DNAJB2: variants seen among roughly 807,000 people sequenced by gnomAD.
DNAJB2 encodes the protein dnaJ homolog subfamily B member 2.
DNAJB2 carries 19 observed loss-of-function variants against 33.3 expected under a neutral mutation model. The observed-to-expected ratio is 0.57, with a 90% CI of 0.40 to 0.84. The LOEUF (loss-of-function observed/expected upper bound fraction) is 0.84, where lower values mean the gene tolerates loss of function less well. Among genes scored for constraint, DNAJB2 ranks in the 40% least tolerant of loss-of-function variants. The pLI, the probability that DNAJB2 is intolerant of heterozygous loss-of-function variation, is 0.00. For missense variants in DNAJB2, 368 were observed against 430.9 expected (o/e 0.85, Z 1.29); for synonymous variants, 172 against 164.6 (o/e 1.04, Z -0.34).
At chr2:219,282,598 CT>C in intron 5 of DNAJB2, 1 of 446,852 alleles carries the variant, frequency 2.2e-6, no homozygotes. Flanking sequence ...AAAGAGCCAT[CT>C]GTCCTCCATC....
chr2:219,285,260 G>C lies in DNAJB2; in HGVS notation c.*273G>C. 8.6e-7 allele frequency: 1 copy of C among 1,169,184 alleles called. No individual in the cohort carries two copies. Among genetic ancestry groups the C allele is most frequent in the Non-Finnish European group, 1.1e-6 (1 of 946,474 alleles). The allele number at this position is 1,169,184 out of a possible 1,614,324, so 72.4% of individuals were successfully genotyped here. ...CCAGGTTGCATTTATTGGATGGGGAGCTCCAAGGGGCATTAGTGGTTTGGG... is the reference window on the plus strand; with the variant it reads ...CCAGGTTGCATTTATTGGATGGGGACCTCCAAGGGGCATTAGTGGTTTGGG... On this transcript the variant is annotated 3_prime_UTR_variant, in exon 9 of 9. Transcript: ENST00000336576.
At position 219,282,049 on chromosome 2, in the gene DNAJB2, G is replaced by T; in HGVS notation, c.340G>T (p.Ala114Ser). ...ATTCTTTGGGAGTGGAGACCCTTTT[G>T]CAGAGCTCTTTGGTGAGTGGACTCT... ...REFFGSGDPF[A>S]ELFDDLGPFS... Residue 114 changes from alanine to serine, a missense_variant, in exon 5 of 9, where the codon GCA (alanine) becomes TCA (serine). Coordinates refer to ENST00000336576, the MANE Select transcript of DNAJB2 (RefSeq NM_006736.6). The T allele has an allele frequency of 6.2e-7, 1 of 1,614,178 alleles. No homozygotes were observed. Among genetic ancestry groups the T allele is most frequent in the South Asian group, 1.1e-5 (1 of 91,084 alleles).
At position 219,285,784 on chromosome 2, in the gene DNAJB2, T is replaced by C; in HGVS notation, c.*797T>C. The C allele has an allele frequency of 1.5e-6, 2 of 1,367,598 alleles. No homozygotes were observed. Among genetic ancestry groups the C allele is most frequent in the Non-Finnish European group, 9.5e-7 (1 of 1,055,954 alleles). 84.7% of individuals were successfully genotyped at this position (1,367,598 alleles called of 1,614,324 possible). On this transcript the variant is annotated 3_prime_UTR_variant, in exon 9 of 9. Coordinates refer to ENST00000336576, the MANE Select transcript of DNAJB2 (RefSeq NM_006736.6). Reference sequence around the variant, plus strand: ...CCTCAGGACTAGGCAGAGGTGAGGCTGGCTCACCCTGAAGAGGTGGGATAG... The same window carrying C: ...CCTCAGGACTAGGCAGAGGTGAGGCCGGCTCACCCTGAAGAGGTGGGATAG...
chr2:219,284,426 G>A (rs1243537004), intron 8 of DNAJB2, among the ~76,000 whole-genome samples: 4 of 152,196 alleles, frequency 2.6e-5, no homozygotes, highest in Non-Finnish European at 1.5e-5. Context: ...TAGGGATGTT[G>A]AGTGACTTGC....
chr2:219,286,834 C>G lies in DNAJB2; in HGVS notation c.*1847C>G, dbSNP rs1273917887. ...CTGAGCCTCAGAGACGAACCAAAAC[C>G]AGCTGGGCTGAGCTCAGATCCAGGG... On this transcript the variant is annotated 3_prime_UTR_variant, in exon 9 of 9. Coordinates refer to ENST00000336576, the MANE Select transcript of DNAJB2 (RefSeq NM_006736.6). The G allele has an allele frequency of 6.6e-6, 1 of 152,278 alleles. No individual in the cohort carries two copies. The highest frequency in any genetic ancestry group is 1.9e-4 in the East Asian group (1 of 5,202). 9.4% of individuals were successfully genotyped at this position (152,278 alleles called of 1,614,324 possible).
At chr2:219,282,674 G>A (rs906602569) in intron 5 of DNAJB2, 163 bp from the exon 6 acceptor site, 7 of 576,426 alleles carry the variant, frequency 1.2e-5, no homozygotes, top group South Asian at 9.9e-5. Context: ...GAGTGTTTTC[G>A]AATTCAACAT....
intron 2 of DNAJB2, chr2:219,280,149 C>CCCTCCTCCT (rs967688934): frequency 5.6e-6 from 3 of 539,542 alleles, no homozygotes; most frequent in East Asian, 3.2e-5. Context: ...GTTGATCTTC[C>CCCTCCTCCT]CCTCCTCCTC....
Position 219,279,795 on chromosome 2 carries a change from C to CAGGAGAGAGA in DNAJB2, c.-36-1_-36insGAGAGAGAAG. 6.2e-7 allele frequency: 1 copy of CAGGAGAGAGA among 1,610,658 alleles called. No homozygotes were observed. Among genetic ancestry groups the CAGGAGAGAGA allele is most frequent in the South Asian group, 1.1e-5 (1 of 90,966 alleles). On this transcript the variant is annotated splice_region_variant and splice_polypyrimidine_tract_variant and intron_variant, in intron 1 of 8. Coordinates refer to ENST00000336576, the MANE Select transcript of DNAJB2 (RefSeq NM_006736.6). The surrounding 1 kb of genome is among the most constrained non-coding windows in gnomAD (Gnocchi z 4.9). ...TTTCCGCCTGACTCCTTCTCTTCTG[C>CAGGAGAGAGA]AGCCCCAAGGAGGCCCGCCTGACGA...
chr2:219,283,282 G>T (rs748730652), intron 7 of DNAJB2, 47 bp downstream of exon 7: 1 of 1,612,504 alleles, frequency 6.2e-7, no homozygotes, highest in South Asian at 1.1e-5. Context: ...GTCTGCTGGG[G>T]AGCTGTGTTC....
In DNAJB2 at chr2:219,285,695, A is replaced by T. The variant is rs946247800; in HGVS notation, c.*708A>T. The T allele has an allele frequency of 1.3e-5, 16 of 1,197,052 alleles. No individual in the cohort carries two copies. Among genetic ancestry groups the T allele is most frequent in the Non-Finnish European group, 1.7e-5 (16 of 962,166 alleles). The allele number at this position is 1,197,052 out of a possible 1,614,324, so 74.2% of individuals were successfully genotyped here. A position where few individuals can be genotyped will look rare whatever the true frequency, so the allele number is the denominator to read the frequency against. ...TAGCCGGGTGGGGCGGGAGCCTCTCAGCTGTCCAGATTCAGAACTGGAGCC... is the reference window on the plus strand; with the variant it reads ...TAGCCGGGTGGGGCGGGAGCCTCTCTGCTGTCCAGATTCAGAACTGGAGCC... On this transcript the variant is annotated 3_prime_UTR_variant, in exon 9 of 9. Transcript: ENST00000336576.
In DNAJB2 at chr2:219,280,802, CT is replaced by C. The variant is rs975038522; in HGVS notation, c.175+116del. ...AGTTTCCTCTGTGCCTTTTTCCAGC[CT>C]GACATTTAAGCTCCCCCCTCCCACA... On this transcript the variant is annotated intron_variant, in intron 3 of 8. Transcript: ENST00000336576. The C allele has an allele frequency of 3.1e-5, 24 of 776,744 alleles. No homozygotes were observed. In the African/African-American group the frequency reaches 3.8e-4, roughly 12 times the overall value. 48.1% of individuals were successfully genotyped at this position (776,744 alleles called of 1,614,324 possible).
chr2:219,286,115 C>A lies in DNAJB2; in HGVS notation c.*1128C>A. Reference sequence around the variant, plus strand: ...ACCCATGCTGAGTGTAGAGCCGGGGCCTGGGTGGCGGGTGGGGGCCGGGTG... The same window carrying A: ...ACCCATGCTGAGTGTAGAGCCGGGGACTGGGTGGCGGGTGGGGGCCGGGTG... On this transcript the variant is annotated 3_prime_UTR_variant, in exon 9 of 9. Transcript: ENST00000336576. 3.9e-6 allele frequency: 2 copies of A among 507,416 alleles called. No individual in the cohort carries two copies. The highest frequency in any genetic ancestry group is 6.3e-6 in the Non-Finnish European group (2 of 317,188). 31.4% of individuals were successfully genotyped at this position (507,416 alleles called of 1,614,324 possible). A position where few individuals can be genotyped will look rare whatever the true frequency, so the allele number is the denominator to read the frequency against.
chr2:219,283,954 A>G (rs1243761880), intron 8 of DNAJB2, among the ~76,000 whole-genome samples: 6 of 152,120 alleles, frequency 3.9e-5, no homozygotes, highest in African/African-American at 1.4e-4. Flanking sequence ...TGCCCCTGCA[A>G]CACCATGCTG....
In DNAJB2 at chr2:219,285,792, C is replaced by T; in HGVS notation, c.*805C>T. The T allele has an allele frequency of 7.2e-7, 1 of 1,380,368 alleles. No individual in the cohort carries two copies. The highest frequency in any genetic ancestry group is 9.4e-7 in the Non-Finnish European group (1 of 1,062,732). The allele number at this position is 1,380,368 out of a possible 1,614,324, so 85.5% of individuals were successfully genotyped here. A position where few individuals can be genotyped will look rare whatever the true frequency, so the allele number is the denominator to read the frequency against. On this transcript the variant is annotated 3_prime_UTR_variant, in exon 9 of 9. Coordinates refer to ENST00000336576, the MANE Select transcript of DNAJB2 (RefSeq NM_006736.6). ...CTAGGCAGAGGTGAGGCTGGCTCAC[C>T]CTGAAGAGGTGGGATAGGACCGGGG...
At position 219,283,181 on chromosome 2, in the gene DNAJB2, G is replaced by C. The variant is rs769095774; in HGVS notation, c.494G>C (p.Arg165Pro). Residue 165 changes from arginine to proline, a missense_variant, in exon 7 of 9, where the codon CGC becomes CCC. Coordinates refer to ENST00000336576, the MANE Select transcript of DNAJB2 (RefSeq NM_006736.6). ...TTCAGTCCTGGGGCTGGTGCTTTTC[G>C]CTCTGTTTCTACATCTACCACCTTT... ...FSFSPGAGAF[R>P]SVSTSTTFVQ... The C allele has an allele frequency of 6.2e-7, 1 of 1,614,060 alleles. No homozygotes were observed. Among genetic ancestry groups the C allele is most frequent in the Non-Finnish European group, 8.5e-7 (1 of 1,180,044 alleles).
chr2:219,285,843 G>T lies in DNAJB2; in HGVS notation c.*856G>T. Reference sequence around the variant, plus strand: ...GACCCCAGAGGGAGGCCTAGGAGGGGACTGCACCCATACTGCTTCCCTACC... The same window carrying T: ...GACCCCAGAGGGAGGCCTAGGAGGGTACTGCACCCATACTGCTTCCCTACC... On this transcript the variant is annotated 3_prime_UTR_variant, in exon 9 of 9. Transcript: ENST00000336576. 2 of 1,462,606 alleles carry T rather than the reference G, an allele frequency of 1.4e-6. No homozygotes were observed. The highest frequency in any genetic ancestry group is 9.0e-7 in the Non-Finnish European group (1 of 1,105,360). The allele number at this position is 1,462,606 out of a possible 1,614,324, so 90.6% of individuals were successfully genotyped here. A position where few individuals can be genotyped will look rare whatever the true frequency, so the allele number is the denominator to read the frequency against.
rs1951903200 is a variant in DNAJB2, at chr2:219,281,438, T to C, written c.176-280T>C. 8.5e-6 allele frequency: 4 copies of C among 468,458 alleles called. 1 individual carries two copies. The highest frequency in any genetic ancestry group is 7.7e-5 in the African/African-American group (4 of 51,884). 29.0% of individuals were successfully genotyped at this position (468,458 alleles called of 1,614,324 possible). A position where few individuals can be genotyped will look rare whatever the true frequency, so the allele number is the denominator to read the frequency against. On this transcript the variant is annotated intron_variant, in intron 3 of 8. Coordinates refer to ENST00000336576, the MANE Select transcript of DNAJB2 (RefSeq NM_006736.6). ...TGAACACTTTCTATGTGTCAGGCAC[T>C]GGTAGGCAGTTTACGTGGATGGTCT...
intron 7 of DNAJB2, 65 bp downstream of exon 7, chr2:219,283,300 A>G (rs781621441): frequency 6.2e-7 from 1 of 1,610,354 alleles, no homozygotes; most frequent in Non-Finnish European, 8.5e-7. Flanking sequence ...TTCAAATAGA[A>G]AGTTGGCTCC....
rs1226595258 is a variant in DNAJB2 at position 219,286,287 on chromosome 2, G to A, written c.*1300G>A. 2 of 421,592 alleles carry A rather than the reference G, an allele frequency of 4.7e-6. No homozygotes were observed. Among genetic ancestry groups the A allele is most frequent in the Non-Finnish European group, 8.7e-6 (2 of 230,404 alleles). The allele number at this position is 421,592 out of a possible 1,614,324, so 26.1% of individuals were successfully genotyped here. A position where few individuals can be genotyped will look rare whatever the true frequency, so the allele number is the denominator to read the frequency against. Reference sequence around the variant, plus strand: ...GGAGGTGGTGTATGGTTACGGAGCTGTGCATCTTGGGACATGTAGTAGCCC... The same window carrying A: ...GGAGGTGGTGTATGGTTACGGAGCTATGCATCTTGGGACATGTAGTAGCCC... On this transcript the variant is annotated 3_prime_UTR_variant, in exon 9 of 9. Transcript: ENST00000336576.
Sources: allele counts gnomAD v4.1 joint callset (sites outside exome capture counted in the v4.1 genomes callset), GRCh38; gene constraint gnomAD v4.1.1; non-coding constraint Gnocchi (gnomAD v3.1); transcripts MANE v1.5; gene names NCBI Gene and HGNC (gene_info 2026-07-23, HGNC 2026-07-21).